The following CBLN2 variants were observed in gnomAD, a reference collection of about 807,000 sequenced individuals.
CBLN2 encodes the protein cerebellin-2.
A neutral mutation model predicts 15.0 loss-of-function variants in CBLN2; 7 were observed. The observed-to-expected ratio is 0.47, with a 90% CI of 0.27 to 0.88. The LOEUF (loss-of-function observed/expected upper bound fraction) is 0.88. Among genes scored for constraint, CBLN2 ranks in the 40% least tolerant of loss-of-function variants. The probability of loss-of-function intolerance (pLI) is 0.14; values close to 1 mark genes in which losing one functional copy is unlikely to be tolerated. For missense variants in CBLN2, 242 were observed against 304.5 expected, an observed-to-expected ratio of 0.79 and a Z score of 1.53; for synonymous variants, 149 against 135.2, an observed-to-expected ratio of 1.10 and a Z score of -0.71.
intron 1 of CBLN2, among the ~76,000 whole-genome samples, chr18:72,593,315 T>C (rs2069492385): frequency 6.6e-6 from 1 of 152,316 alleles, no homozygotes; most frequent in Admixed American, 6.5e-5. Flanking sequence ...AGATTTTTCA[T>C]TGTCGGCATA....
upstream of CBLN2, among the ~76,000 whole-genome samples, chr18:72,546,423 G>C (rs2069158622): frequency 6.6e-6 from 1 of 151,214 alleles, no homozygotes; most frequent in Admixed American, 6.6e-5. Context: ...CTGGGTGACA[G>C]AGCGAGACGC....
rs1339269968 is a variant in CBLN2, at chr18:72,543,219, C to T, written c.-167+267G>A. 6.0e-6 allele frequency: 2 copies of T among 330,964 alleles called. No homozygotes were observed. Among genetic ancestry groups the T allele is most frequent in the Non-Finnish European group, 1.1e-5 (2 of 183,650 alleles). The allele number at this position is 330,964 out of a possible 1,614,324, so 20.5% of individuals were successfully genotyped here. On this transcript the variant is annotated intron_variant, in intron 2 of 4. Transcript: ENST00000269503. The surrounding 1 kb of genome is among the most constrained non-coding windows in gnomAD (Gnocchi z 6.8). ...TCCCCGCTCCTCCCAGGAAAGCAGA[C>T]AGGCCATTTCAATACCAGCCCAGAG...
At chr18:72,582,147 T>A (rs562845357) in intron 1 of CBLN2, among the ~76,000 whole-genome samples, 7 of 152,336 alleles carry the variant, frequency 4.6e-5, no homozygotes, top group African/African-American at 1.7e-4. Flanking sequence ...AAACTTGGCT[T>A]TATATATGGC....
At chr18:72,592,863 C>T (rs551048319) in intron 1 of CBLN2, among the ~76,000 whole-genome samples, 1 of 152,110 alleles carries the variant, frequency 6.6e-6, no homozygotes, top group East Asian at 1.9e-4. Flanking sequence ...CTTTTTTATA[C>T]CACTACCGTG....
At chr18:72,580,037 CT>C (rs1324134253) in intron 1 of CBLN2, among the ~76,000 whole-genome samples, 1 of 151,634 alleles carries the variant, frequency 6.6e-6, no homozygotes, top group African/African-American at 2.4e-5. Context: ...TTTTATTCTC[CT>C]TTTTCAAAAG....
Position 72,570,044 on chromosome 18 carries a change from T to C in CBLN2, c.16-31272A>G, listed in dbSNP as rs987172253. 6.4e-4 allele frequency among the ~76,000 whole-genome samples: 98 copies of C among 152,216 alleles called. 1 individual carries two copies. Among genetic ancestry groups the C allele is most frequent in the African/African-American group, 2.3e-3 (97 of 41,456 alleles). ...TGACATTAAATTTCCAGCGAGTGTA[T>C]ACATACAATTGATTCTCATTATTTG... On this transcript the variant is annotated intron_variant, in intron 1 of 2. Transcript: ENST00000581073.
At chr18:72,582,458 A>C (rs1447121430) in intron 1 of CBLN2, among the ~76,000 whole-genome samples, 2 of 152,130 alleles carry the variant, frequency 1.3e-5, no homozygotes, top group African/African-American at 4.8e-5. Flanking sequence ...AGACAGGCAC[A>C]CTTGCCATAA....
At chr18:72,592,264 A>G (rs2069484560) in intron 1 of CBLN2, among the ~76,000 whole-genome samples, 2 of 151,598 alleles carry the variant, frequency 1.3e-5, no homozygotes. Context: ...ATGTTGAGCA[A>G]CTTTTCCTAT....
At chr18:72,622,790 G>T (rs75223372) in intron 1 of CBLN2, among the ~76,000 whole-genome samples, 3,387 of 152,194 alleles carry the variant, frequency 0.022, 45 homozygotes, top group Middle Eastern at 0.034. Flanking sequence ...ATGGAAAACC[G>T]TGTATCACAT....
intron 1 of CBLN2, chr18:72,625,121 G>A (rs2069726710): frequency 6.6e-6 from 1 of 152,074 alleles, no homozygotes; most frequent in Non-Finnish European, 1.5e-5. Flanking sequence ...TGGTGATTTG[G>A]GAAGCATATT....
chr18:72,579,300 A>T (rs2069388000), intron 1 of CBLN2, among the ~76,000 whole-genome samples: 1 of 152,230 alleles, frequency 6.6e-6, no homozygotes. Flanking sequence ...AAATATATAC[A>T]TATATAACTC....
At chr18:72,625,719 TATATATAC>T (rs1181770716) in intron 1 of CBLN2, among the ~76,000 whole-genome samples, 2,801 of 40,258 alleles carry the variant, frequency 0.07, 44 homozygotes, top group African/African-American at 0.13. Flanking sequence ...TATATATATA[TATATATAC>T]ACACTCTTGT....
At chr18:72,546,829 T>A (rs1037376992), upstream of CBLN2, among the ~76,000 whole-genome samples, 1 of 152,158 alleles carries the variant, frequency 6.6e-6, no homozygotes. Flanking sequence ...GCTGGGATAA[T>A]TCAAGTACCC....
At chr18:72,638,487 T>A in exon 1 of CBLN2, 1 of 396,148 alleles carries the variant, frequency 2.5e-6, no homozygotes. Flanking sequence ...CGCAAAGTCC[T>A]GTTGTACACT....
At chr18:72,628,512 G>C (rs989236783) in intron 1 of CBLN2, among the ~76,000 whole-genome samples, 1 of 152,166 alleles carries the variant, frequency 6.6e-6, no homozygotes, top group South Asian at 2.1e-4. Flanking sequence ...AGCATTGGAC[G>C]GAGATGGCCC....
chr18:72,538,492 G>T (rs1568247950), intron 4 of CBLN2, 119 bp from the exon 5 acceptor site: 3 of 1,423,518 alleles, frequency 2.1e-6, no homozygotes, highest in East Asian at 4.6e-5. Flanking sequence ...ACACATCAGG[G>T]GAGCCTGACA....
At chr18:72,630,493 C>T (rs1004631371) in intron 1 of CBLN2, among the ~76,000 whole-genome samples, 1 of 52,724 alleles carries the variant, frequency 1.9e-5, no homozygotes, top group Non-Finnish European at 5.3e-5. Context: ...ATCTACTGCT[C>T]CAACACACAC....
chr18:72,636,300 C>T (rs992007133), intron 1 of CBLN2, among the ~76,000 whole-genome samples: 3 of 152,110 alleles, frequency 2.0e-5, no homozygotes, highest in Non-Finnish European at 4.4e-5. Context: ...TCACTCAGTA[C>T]ACCTTATACA....
chr18:72,588,626 G>C (rs2069458394), intron 1 of CBLN2, among the ~76,000 whole-genome samples: 2 of 152,336 alleles, frequency 1.3e-5, no homozygotes, highest in African/African-American at 4.8e-5. Context: ...CCAGTGCTCT[G>C]TGTTGGTGCC....
Sources: gnomAD v4.1 joint callset for allele counts (sites outside exome capture counted in the v4.1 genomes callset) on GRCh38, gnomAD v4.1.1 for gene constraint, Gnocchi (gnomAD v3.1) non-coding constraint, MANE v1.5 for transcripts, NCBI Gene and HGNC (gene_info 2026-07-23, HGNC 2026-07-21) for gene names.